PDGFD: variants seen among roughly 807,000 people sequenced by gnomAD.
The protein encoded by PDGFD is platelet derived growth factor D.
Under a neutral mutation model 44.7 loss-of-function variants are expected in PDGFD, and 30 were observed. The ratio of observed to expected loss-of-function variants is 0.67; its 90% CI spans 0.50 to 0.91. The LOEUF (loss-of-function observed/expected upper bound fraction) is 0.91. PDGFD is among the 40% of genes least tolerant of loss of function. The pLI is 0.00. For synonymous variants in PDGFD, 173 were observed against 168.4 expected (o/e 1.03, Z -0.21); for missense variants, 445 against 457.8 (o/e 0.97, Z 0.25).
At chr11:104,035,246 T>C (rs1319381938) in intron 1 of PDGFD, among the ~76,000 whole-genome samples, 2 of 152,172 alleles carry the variant, frequency 1.3e-5, no homozygotes, top group Non-Finnish European at 2.9e-5. Context: ...CTATATCCCA[T>C]TTTAGAGACC....
chr11:104,129,605 T>C (rs912209000), intron 1 of PDGFD, among the ~76,000 whole-genome samples: 1 of 152,038 alleles, frequency 6.6e-6, no homozygotes, highest in African/African-American at 2.4e-5. Context: ...GGTGCAAAAA[T>C]TGCCATCTTA....
At chr11:103,949,680 T>C (rs1364357952) in intron 3 of PDGFD, among the ~76,000 whole-genome samples, 2 of 152,214 alleles carry the variant, frequency 1.3e-5, no homozygotes, top group Admixed American at 6.5e-5. Context: ...AAATAAAAAC[T>C]ATCCCTACCC....
chr11:104,120,059 T>G (rs567486630), intron 1 of PDGFD, among the ~76,000 whole-genome samples: 9 of 148,628 alleles, frequency 6.1e-5, no homozygotes, highest in African/African-American at 2.0e-4. Flanking sequence ...CATATATATG[T>G]CCTATGATTT....
chr11:104,103,343 A>C (rs1015779219), intron 1 of PDGFD, among the ~76,000 whole-genome samples: 1 of 151,748 alleles, frequency 6.6e-6, no homozygotes, highest in Non-Finnish European at 1.5e-5. Context: ...CTGTATGTCC[A>C]TTATAACCCT....
At chr11:103,976,125 T>C (rs528862424) in intron 3 of PDGFD, among the ~76,000 whole-genome samples, 10 of 152,332 alleles carry the variant, frequency 6.6e-5, no homozygotes, top group Non-Finnish European at 1.3e-4. Context: ...TTCCTATCCA[T>C]GAATATGGAA....
intron 1 of PDGFD, among the ~76,000 whole-genome samples, chr11:104,129,820 C>G (rs184464265): frequency 4.6e-5 from 7 of 151,718 alleles, no homozygotes; most frequent in African/African-American, 1.7e-4. Context: ...ACTAGCCTGG[C>G]CAACATGGTG....
At chr11:104,087,868 T>G (rs1861156701) in intron 1 of PDGFD, among the ~76,000 whole-genome samples, 1 of 152,240 alleles carries the variant, frequency 6.6e-6, no homozygotes, top group Non-Finnish European at 1.5e-5. Context: ...AGGCCTAGAC[T>G]AGTTTGTAAT....
intron 1 of PDGFD, among the ~76,000 whole-genome samples, chr11:104,104,330 AGT>A (rs1252084082): frequency 5.9e-5 from 9 of 152,242 alleles, no homozygotes; most frequent in African/African-American, 2.2e-4. Context: ...GTATAGGCTA[AGT>A]GTACAGTGTT....
intron 1 of PDGFD, among the ~76,000 whole-genome samples, chr11:104,035,430 G>T (rs751342624): frequency 4.6e-5 from 7 of 151,818 alleles, no homozygotes; most frequent in Non-Finnish European, 8.8e-5. Flanking sequence ...AAAGCCTCCT[G>T]ACTGGCCCTC....
At chr11:103,916,908 A>G (rs1858134980) in intron 6 of PDGFD, among the ~76,000 whole-genome samples, 1 of 152,164 alleles carries the variant, frequency 6.6e-6, no homozygotes, top group African/African-American at 2.4e-5. Flanking sequence ...GGACACAGGG[A>G]GGGGAACATC....
In PDGFD at chr11:104,097,345, C is replaced by T. The variant is rs574652630; in HGVS notation, c.124+66459G>A. Among the ~76,000 whole-genome samples the T allele has an allele frequency of 3.9e-5, 6 of 152,262 alleles. No homozygotes were observed. In the East Asian group the frequency reaches 1.2e-3, roughly 29 times the overall value. On this transcript the variant is annotated intron_variant, in intron 1 of 6. Transcript: ENST00000393158. ...TTTTTCCAAGAAACATGATTTGTCA[C>T]ATATACAAGGATTTCCAATCCTTTA...
intron 3 of PDGFD, among the ~76,000 whole-genome samples, chr11:103,974,570 C>T (rs1227175092): frequency 1.3e-5 from 2 of 152,084 alleles, no homozygotes; most frequent in African/African-American, 4.8e-5. Flanking sequence ...ATCAACTCAT[C>T]ATCTAGGTTT....
intron 1 of PDGFD, among the ~76,000 whole-genome samples, chr11:104,115,556 A>G (rs1861623809): frequency 6.6e-6 from 1 of 151,718 alleles, no homozygotes; most frequent in Admixed American, 6.6e-5. Flanking sequence ...GATACCCAGT[A>G]GTGGGATTGC....
chr11:103,909,877 GCCA>G, intron 6 of PDGFD, 58 bp from the exon 7 acceptor site: 1 of 1,604,838 alleles, frequency 6.2e-7, no homozygotes, highest in Non-Finnish European at 8.5e-7. Flanking sequence ...TCAGTCAGAT[GCCA>G]CCTACTTATT....
chr11:103,988,576 G>A (rs773519650), intron 3 of PDGFD, among the ~76,000 whole-genome samples: 37 of 152,108 alleles, frequency 2.4e-4, no homozygotes, highest in Non-Finnish European at 4.4e-4. Flanking sequence ...ACTTAACCGC[G>A]CCCGTGGATA....
chr11:103,917,496 G>T (rs1235762714), intron 6 of PDGFD, among the ~76,000 whole-genome samples: 3 of 151,784 alleles, frequency 2.0e-5, no homozygotes, highest in Admixed American at 6.6e-5. Context: ...CTTTATTTTT[G>T]ATTTTGTCCC....
chr11:103,997,348 C>A (rs1859548192), intron 2 of PDGFD, among the ~76,000 whole-genome samples: 1 of 152,134 alleles, frequency 6.6e-6, no homozygotes, highest in African/African-American at 2.4e-5. Flanking sequence ...CATAGAGAAA[C>A]CAATATGGCC....
intron 1 of PDGFD, among the ~76,000 whole-genome samples, chr11:104,134,174 T>TTA (rs1861966692): frequency 1.3e-5 from 2 of 151,948 alleles, no homozygotes; most frequent in African/African-American, 4.8e-5. Flanking sequence ...TATTTAGGGG[T>TTA]CACAAACACA....
intron 1 of PDGFD, among the ~76,000 whole-genome samples, chr11:104,070,585 G>A (rs1234541406): frequency 6.6e-6 from 1 of 152,186 alleles, no homozygotes; most frequent in East Asian, 1.9e-4. Context: ...AATTATTTGA[G>A]CTAGCTCCTT....
Sources: allele counts gnomAD v4.1 joint callset (sites outside exome capture counted in the v4.1 genomes callset), GRCh38; gene constraint gnomAD v4.1.1; transcripts MANE v1.5; gene names NCBI Gene and HGNC (gene_info 2026-07-23, HGNC 2026-07-21).